Variants in RBFOX1 observed in about 807,000 individuals in gnomAD.
RBFOX1 encodes the protein RNA binding protein fox-1 homolog 1.
In RBFOX1, 8 loss-of-function variants were observed where a neutral mutation model predicts 57.7. The ratio of observed to expected loss-of-function variants is 0.14; its 90% CI spans 0.08 to 0.25. The LOEUF (loss-of-function observed/expected upper bound fraction) is 0.25. Among genes scored for constraint, RBFOX1 ranks in the 10% least tolerant of loss-of-function variants. The pLI is 1.00. For synonymous variants in RBFOX1, 326 were observed against 222.4 expected (o/e 1.47, Z -4.15); for missense variants, 611 against 548.5 (o/e 1.11, Z -1.14).
chr16:5,706,478 C>T (rs142884243), intron 3 of RBFOX1, among the ~76,000 whole-genome samples: 228 of 152,278 alleles, frequency 1.5e-3, no homozygotes, highest in Middle Eastern at 3.4e-3. Flanking sequence ...AGTCATGATG[C>T]AGAGAGGGTT....
intron 1 of RBFOX1, among the ~76,000 whole-genome samples, chr16:5,312,691 A>G (rs1025284393): frequency 6.6e-5 from 10 of 152,186 alleles, no homozygotes; most frequent in African/African-American, 1.9e-4. Flanking sequence ...GAGACAGACA[A>G]TTCTCAAAAG....
chr16:7,134,711 CT>C (rs1314709121), intron 4 of RBFOX1, among the ~76,000 whole-genome samples: 9 of 152,162 alleles, frequency 5.9e-5, no homozygotes, highest in Non-Finnish European at 1.3e-4. Flanking sequence ...GTGAAAACTA[CT>C]TTTGTTGTGT....
At chr16:7,496,261 G>A (rs773929681) in intron 4 of RBFOX1, among the ~76,000 whole-genome samples, 2 of 152,168 alleles carry the variant, frequency 1.3e-5, no homozygotes, top group Non-Finnish European at 2.9e-5. Flanking sequence ...TCTTGCCTCA[G>A]CCTCCCAAGT....
chr16:5,277,169 A>G lies in RBFOX1; in HGVS notation c.219+37064A>G, dbSNP rs1326469071. ...ATGGCATTCATAGCAACCTGGATGGAGTTGGAGAGCATTATTCTAAATGAA... is the reference window on the plus strand; with the variant it reads ...ATGGCATTCATAGCAACCTGGATGGGGTTGGAGAGCATTATTCTAAATGAA... On this transcript the variant is annotated intron_variant, in intron 1 of 2. Coordinates refer to the RBFOX1 transcript ENST00000585867. 2.0e-5 allele frequency among the ~76,000 whole-genome samples: 3 copies of G among 152,152 alleles called. No individual in the cohort carries two copies. The East Asian group carries it at 5.8e-4, about 29-fold the overall frequency.
At position 5,729,358 on chromosome 16, in the gene RBFOX1, A is replaced by G. The variant is rs140011259; in HGVS notation, c.318+130397A>G. Among the ~76,000 whole-genome samples the G allele has an allele frequency of 2.5e-3, 376 of 151,698 alleles. 2 individuals carry two copies. Among genetic ancestry groups the G allele is most frequent in the African/African-American group, 8.7e-3 (360 of 41,346 alleles). On this transcript the variant is annotated intron_variant, in intron 3 of 19. Coordinates refer to the RBFOX1 transcript ENST00000641259. ...CTGGAAAGCATTTTGCAATTCCTCA[A>G]TAAGCTCAGCACACAGCTAGCTTTT...
At chr16:5,591,746 A>G (rs575199439) in intron 2 of RBFOX1, among the ~76,000 whole-genome samples, 17 of 152,148 alleles carry the variant, frequency 1.1e-4, no homozygotes, top group Non-Finnish European at 2.2e-4. Flanking sequence ...GTCTGGATTC[A>G]CTATAACTTA....
Position 7,711,830 on chromosome 16 carries a change from A to T in RBFOX1, c.*1085A>T, listed in dbSNP as rs1339738128. 1 of 152,586 alleles carries T rather than the reference A, an allele frequency of 6.6e-6. No individual in the cohort carries two copies. Among genetic ancestry groups the T allele is most frequent in the African/African-American group, 2.4e-5 (1 of 41,444 alleles). The allele number at this position is 152,586 out of a possible 1,614,324, so 9.5% of individuals were successfully genotyped here. A position where few individuals can be genotyped will look rare whatever the true frequency, so the allele number is the denominator to read the frequency against. ...ATAGAAGCATTTTACAAGTATTGCA[A>T]TCATTGAGTAGAGATAATCATGGTA... On this transcript the variant is annotated 3_prime_UTR_variant, in exon 16 of 16. Transcript: ENST00000550418.
chr16:5,614,423 G>T (rs2047942981), intron 3 of RBFOX1, among the ~76,000 whole-genome samples: 1 of 152,178 alleles, frequency 6.6e-6, no homozygotes, highest in East Asian at 1.9e-4. Flanking sequence ...CTCAATTTCA[G>T]TTCACTGGCA....
intron 1 of RBFOX1, among the ~76,000 whole-genome samples, chr16:6,281,422 A>T (rs779895810): frequency 4.6e-5 from 7 of 152,150 alleles, no homozygotes; most frequent in Non-Finnish European, 8.8e-5. Flanking sequence ...ACGCCTTGTA[A>T]TACCACGTTT....
intron 2 of RBFOX1, among the ~76,000 whole-genome samples, chr16:6,586,800 G>C (rs1481712030): frequency 6.6e-6 from 1 of 152,114 alleles, no homozygotes; most frequent in Non-Finnish European, 1.5e-5. Context: ...AAGAAGCAGG[G>C]TTTTGTTTTA....
intron 4 of RBFOX1, among the ~76,000 whole-genome samples, chr16:7,405,559 T>A (rs976344412): frequency 2.0e-5 from 3 of 152,186 alleles, no homozygotes; most frequent in Non-Finnish European, 4.4e-5. Flanking sequence ...GCCTCCCGTG[T>A]GCGCCTCATG....
At chr16:6,214,232 A>C (rs1432440802) in intron 1 of RBFOX1, among the ~76,000 whole-genome samples, 1 of 152,118 alleles carries the variant, frequency 6.6e-6, no homozygotes, top group African/African-American at 2.4e-5. Context: ...CCAGCCCTAC[A>C]TTGATGTCTT....
At position 7,390,664 on chromosome 16, in the gene RBFOX1, G is replaced by A. The variant is rs772582584; in HGVS notation, c.28-127483G>A. ...GAGGGATGGTGAATTTATAAATTTGGTGATTTTTGATGAAAAGAATCAATA... is the reference window on the plus strand; with the variant it reads ...GAGGGATGGTGAATTTATAAATTTGATGATTTTTGATGAAAAGAATCAATA... On this transcript the variant is annotated intron_variant, in intron 4 of 15. Transcript: ENST00000550418. 1.7e-4 allele frequency among the ~76,000 whole-genome samples: 26 copies of A among 152,160 alleles called. 1 individual carries two copies. Among genetic ancestry groups the A allele is most frequent in the African/African-American group, 4.6e-4 (19 of 41,430 alleles).
intron 2 of RBFOX1, among the ~76,000 whole-genome samples, chr16:6,596,847 T>C (rs950538316): frequency 6.6e-6 from 1 of 152,188 alleles, no homozygotes; most frequent in African/African-American, 2.4e-5. Context: ...CTGATAGTTC[T>C]ATATAGTGCT....
At chr16:6,510,471 CAG>C (rs1306209468) in intron 2 of RBFOX1, among the ~76,000 whole-genome samples, 2 of 152,174 alleles carry the variant, frequency 1.3e-5, no homozygotes, top group Non-Finnish European at 2.9e-5. Context: ...ATTTTGGTCA[CAG>C]AGGAGACCAG....
intron 4 of RBFOX1, among the ~76,000 whole-genome samples, chr16:7,466,132 G>C (rs954867973): frequency 6.6e-6 from 1 of 152,198 alleles, no homozygotes; most frequent in Non-Finnish European, 1.5e-5. Context: ...TTAGGCAACA[G>C]TGAACACCAT....
At chr16:6,572,515 G>T (rs2097358583) in intron 2 of RBFOX1, among the ~76,000 whole-genome samples, 1 of 152,002 alleles carries the variant, frequency 6.6e-6, no homozygotes, top group African/African-American at 2.4e-5. Context: ...CCATTATTTA[G>T]CGTGAACCGT....
chr16:6,822,615 C>T (rs1245104181), intron 3 of RBFOX1, among the ~76,000 whole-genome samples: 1 of 152,192 alleles, frequency 6.6e-6, no homozygotes, highest in East Asian at 1.9e-4. Context: ...TAAGTTATGG[C>T]AGATGAAGCT....
At chr16:7,317,135 C>T (rs1179858809) in intron 4 of RBFOX1, among the ~76,000 whole-genome samples, 3 of 151,998 alleles carry the variant, frequency 2.0e-5, no homozygotes, top group East Asian at 1.9e-4. Flanking sequence ...GAAGTCACTG[C>T]GATACTACTG....
Sources: allele counts gnomAD v4.1 joint callset (sites outside exome capture counted in the v4.1 genomes callset), GRCh38; gene constraint gnomAD v4.1.1; transcripts MANE v1.5; gene names NCBI Gene and HGNC (gene_info 2026-07-23, HGNC 2026-07-21).